Variants in C1orf21 observed in about 807,000 individuals in gnomAD.
The protein encoded by C1orf21 is chromosome 1 open reading frame 21, also known as uncharacterized protein C1orf21.
C1orf21 carries 3 observed loss-of-function variants against 18.7 expected under a neutral mutation model. That is an observed-to-expected ratio of 0.16 (90% CI 0.07 to 0.42). The LOEUF is 0.42. Ranked by LOEUF, C1orf21 falls within the 10% of genes least tolerant of loss-of-function variation. The pLI, the probability that C1orf21 is intolerant of heterozygous loss-of-function variation, is 0.99. For missense variants in C1orf21, 104 were observed against 143.6 expected (o/e 0.72, Z 1.41); for synonymous variants, 41 against 46.4 (o/e 0.88, Z 0.47).
chr1:184,549,927 C>T (rs185267802), intron 3 of C1orf21, among the ~76,000 whole-genome samples: 2 of 152,296 alleles, frequency 1.3e-5, no homozygotes, highest in Admixed American at 1.3e-4. Flanking sequence ...GATTTTTCAA[C>T]TTTACAGTGG....
chr1:184,562,843 G>GAT (rs1658985653), intron 3 of C1orf21, among the ~76,000 whole-genome samples: 1 of 152,124 alleles, frequency 6.6e-6, no homozygotes, highest in Non-Finnish European at 1.5e-5. Context: ...TTCAGAGAAG[G>GAT]ATATATATTT....
At chr1:184,457,985 T>A (rs1041695510) in intron 1 of C1orf21, among the ~76,000 whole-genome samples, 16 of 152,358 alleles carry the variant, frequency 1.1e-4, no homozygotes, top group Admixed American at 9.8e-4. Flanking sequence ...AGAATGATCC[T>A]GTAAGGTAGA....
At position 184,591,737 on chromosome 1, in the gene C1orf21, T is replaced by C. The variant is rs1332265408; in HGVS notation, c.266+922T>C. ...AGGAGAGTGGCGTGAACCCTGGAGG[T>C]GGAGCTTGCAGTGAGCAGAGATGGC... On this transcript the variant is annotated intron_variant, in intron 4 of 5. Coordinates refer to ENST00000235307, the MANE Select transcript of C1orf21 (RefSeq NM_030806.4). 4.7e-5 allele frequency among the ~76,000 whole-genome samples: 7 copies of C among 148,258 alleles called. No homozygotes were observed. In the South Asian group the frequency reaches 6.4e-4, roughly 14 times the overall value.
At chr1:184,599,053 T>G (rs1334909161) in intron 5 of C1orf21, among the ~76,000 whole-genome samples, 1 of 152,238 alleles carries the variant, frequency 6.6e-6, no homozygotes, top group Non-Finnish European at 1.5e-5. Context: ...GTTGCTTCTC[T>G]GGTAGTGTGT....
chr1:184,559,936 G>A (rs1658938709), intron 3 of C1orf21, among the ~76,000 whole-genome samples: 1 of 151,944 alleles, frequency 6.6e-6, no homozygotes, highest in African/African-American at 2.4e-5. Context: ...ATTTTTTGTA[G>A]ACACAGGGTC....
At position 184,441,864 on chromosome 1, in the gene C1orf21, T is replaced by A. The variant is rs530578482; in HGVS notation, c.-124-35522T>A. Among the ~76,000 whole-genome samples, 8 of 152,336 alleles carry A rather than the reference T, an allele frequency of 5.3e-5. No homozygotes were observed. In the South Asian group the frequency reaches 1.5e-3, roughly 28 times the overall value. On this transcript the variant is annotated intron_variant, in intron 1 of 5. Coordinates refer to ENST00000235307, the MANE Select transcript of C1orf21 (RefSeq NM_030806.4). ...AATGTGTAGGCCCATTTTGCAAGTG[T>A]TTCCTGTTCAGCTGGTATTGATGTT... is the stretch of plus-strand genomic sequence containing the variant.
chr1:184,426,853 T>C (rs1315609160), intron 1 of C1orf21, among the ~76,000 whole-genome samples: 1 of 152,228 alleles, frequency 6.6e-6, no homozygotes, highest in Non-Finnish European at 1.5e-5. Context: ...GCTCATCTGA[T>C]GATGGCTGGA....
Position 184,619,566 on chromosome 1 carries a change from T to C in C1orf21, c.*10T>C, listed in dbSNP as rs1425990379. 1 of 1,613,532 alleles carries C rather than the reference T, an allele frequency of 6.2e-7. No individual in the cohort carries two copies. On this transcript the variant is annotated 3_prime_UTR_variant, in exon 6 of 6. Coordinates refer to ENST00000235307, the MANE Select transcript of C1orf21 (RefSeq NM_030806.4). ...AGAGGATATCACATAGCACCAATTT[T>C]ACCACTCAAACCAGGAGCTACTACT...
At chr1:184,551,683 C>T (rs1181783696) in intron 3 of C1orf21, among the ~76,000 whole-genome samples, 3 of 152,158 alleles carry the variant, frequency 2.0e-5, no homozygotes, top group African/African-American at 7.2e-5. Flanking sequence ...TCCATCGCCT[C>T]ATCTGGGCAG....
chr1:184,617,904 G>GTTTTTT (rs142357373), intron 5 of C1orf21, among the ~76,000 whole-genome samples: 20 of 87,494 alleles, frequency 2.3e-4, no homozygotes, highest in South Asian at 4.1e-4. Context: ...TGTTGTTGTT[G>GTTTTTT]TTTTTTTTTT....
At chr1:184,407,317 G>A (rs1656263695) in intron 1 of C1orf21, among the ~76,000 whole-genome samples, 10 of 152,118 alleles carry the variant, frequency 6.6e-5, no homozygotes, top group Admixed American at 6.5e-4. Context: ...AGTCTTTAAT[G>A]TGGAACTAAC....
intron 1 of C1orf21, among the ~76,000 whole-genome samples, chr1:184,414,631 A>T (rs1310523668): frequency 6.6e-6 from 1 of 152,200 alleles, no homozygotes; most frequent in Non-Finnish European, 1.5e-5. Flanking sequence ...CTGTATTAGA[A>T]AGACAAAATC....
intron 4 of C1orf21, 113 bp from the exon 5 acceptor site, chr1:184,598,288 T>G: frequency 1.2e-6 from 1 of 842,286 alleles, no homozygotes; most frequent in Non-Finnish European, 1.9e-6. Flanking sequence ...AGTGGAAAAG[T>G]CTGCAATAAA....
chr1:184,574,427 A>G (rs1294412344), intron 3 of C1orf21, among the ~76,000 whole-genome samples: 1 of 152,238 alleles, frequency 6.6e-6, no homozygotes, highest in Admixed American at 6.5e-5. Flanking sequence ...TTAACAAACC[A>G]TATAAGTAGT....
intron 3 of C1orf21, among the ~76,000 whole-genome samples, chr1:184,589,310 G>T (rs1194872325): frequency 6.6e-6 from 1 of 152,208 alleles, no homozygotes; most frequent in Admixed American, 6.5e-5. Context: ...CTACATTTGA[G>T]CTATTCTTAC....
At chr1:184,511,963 A>G (rs1571392896) in intron 3 of C1orf21, among the ~76,000 whole-genome samples, 1 of 152,308 alleles carries the variant, frequency 6.6e-6, no homozygotes, top group South Asian at 2.1e-4. Context: ...GAAGATTGTA[A>G]TTTAAAATGA....
chr1:184,394,633 A>G (rs904580192), intron 1 of C1orf21, among the ~76,000 whole-genome samples: 1 of 152,238 alleles, frequency 6.6e-6, no homozygotes, highest in East Asian at 1.9e-4. Flanking sequence ...AAGTAAGGAG[A>G]TGCTGCGGGC....
intron 1 of C1orf21, among the ~76,000 whole-genome samples, chr1:184,416,307 G>T (rs1033442555): frequency 2.6e-5 from 4 of 151,958 alleles, no homozygotes; most frequent in African/African-American, 9.7e-5. Context: ...CATTGCAGTG[G>T]ATGATTTTAA....
At position 184,576,273 on chromosome 1, in the gene C1orf21, C is replaced by T. The variant is rs147684809; in HGVS notation, c.190-14466C>T. On this transcript the variant is annotated intron_variant, in intron 3 of 5. Coordinates refer to ENST00000235307, the MANE Select transcript of C1orf21 (RefSeq NM_030806.4). ...CTGAGTAGCTGGAATTATAGGCATG[C>T]GCCACCACATCCAGCTAATTTTTGT... Among the ~76,000 whole-genome samples the T allele has an allele frequency of 3.0e-3, 463 of 152,212 alleles. 1 individual carries two copies. Among genetic ancestry groups the T allele is most frequent in the South Asian group, 5.4e-3 (26 of 4,820 alleles).
Sources: allele counts gnomAD v4.1 joint callset (sites outside exome capture counted in the v4.1 genomes callset), GRCh38; gene constraint gnomAD v4.1.1; transcripts MANE v1.5; gene names NCBI Gene and HGNC (gene_info 2026-07-23, HGNC 2026-07-21).